The following BTD variants were observed in gnomAD, a reference collection of about 807,000 sequenced individuals.
The protein encoded by BTD is biotinidase.
Under a neutral mutation model 17.7 loss-of-function variants are expected in BTD, and 13 were observed. The observed-to-expected ratio is 0.74, with a 90% CI of 0.48 to 1.17. The LOEUF (loss-of-function observed/expected upper bound fraction) is 1.17. BTD is among the 50% of genes most tolerant of loss of function. BTD has a pLI of 0.00. For synonymous variants in BTD, 240 were observed against 245.2 expected, an observed-to-expected ratio of 0.98 and a Z score of 0.20; for missense variants, 674 against 650.4, an observed-to-expected ratio of 1.04 and a Z score of -0.39.
chr3:15,654,181 A>G (rs1044204015), downstream of BTD, among the ~76,000 whole-genome samples: 17 of 152,248 alleles, frequency 1.1e-4, no homozygotes, highest in Admixed American at 2.0e-4. Context: ...TAACAAGTTT[A>G]AAAATGTAAA....
intron 3 of BTD, chr3:15,684,208 T>C (rs986303901): frequency 5.9e-5 from 9 of 152,228 alleles, no homozygotes; most frequent in East Asian, 3.8e-4. Flanking sequence ...ACATGCTTCA[T>C]TGCATAAATT....
chr3:15,623,346 T>G (rs1270930179), intron 1 of BTD, among the ~76,000 whole-genome samples: 1 of 152,256 alleles, frequency 6.6e-6, no homozygotes, highest in Non-Finnish European at 1.5e-5. Flanking sequence ...GTTTTTTATC[T>G]ACTGTAATGA....
chr3:15,620,380 A>G (rs1344848065), intron 1 of BTD, among the ~76,000 whole-genome samples: 6 of 152,198 alleles, frequency 3.9e-5, no homozygotes, highest in Non-Finnish European at 4.4e-5. Flanking sequence ...TTGCTAGGAA[A>G]AGAATTTAGC....
chr3:15,698,239 T>G (rs1217068414), intron 3 of BTD, among the ~76,000 whole-genome samples: 1 of 152,144 alleles, frequency 6.6e-6, no homozygotes, highest in Non-Finnish European at 1.5e-5. Context: ...GGAATGTATC[T>G]CAAAATAGTA....
rs2065816737 is a variant in BTD, at chr3:15,652,312, C to CTG, written c.*6824_*6825insTG. ...CTGCACTCCAGTCTGGGCAACAGAGCGACACTCCGTCTCCAAAAAAAAAAG... is the reference window on the plus strand; with the variant it reads ...CTGCACTCCAGTCTGGGCAACAGAGCTGGACACTCCGTCTCCAAAAAAAAAAG... On this transcript the variant is annotated 3_prime_UTR_variant, in exon 4 of 4. Transcript: ENST00000643237. Among the ~76,000 whole-genome samples, 1 of 152,054 alleles carries CTG rather than the reference C, an allele frequency of 6.6e-6. No homozygotes were observed. Among genetic ancestry groups the CTG allele is most frequent in the Non-Finnish European group, 1.5e-5 (1 of 68,008 alleles).
chr3:15,643,944 A>T (rs1413993373), intron 3 of BTD, among the ~76,000 whole-genome samples: 3 of 148,498 alleles, frequency 2.0e-5, no homozygotes, highest in Non-Finnish European at 4.5e-5. Context: ...AAGCAAAAGG[A>T]AGGATTTTAA....
chr3:15,719,212 T>A (rs1401191360), intron 4 of BTD, among the ~76,000 whole-genome samples: 1 of 152,196 alleles, frequency 6.6e-6, no homozygotes, highest in Non-Finnish European at 1.5e-5. Context: ...AATGGCCTAA[T>A]TACAGATGGA....
chr3:15,672,866 C>T (rs2066522851), intron 3 of BTD, among the ~76,000 whole-genome samples: 1 of 152,218 alleles, frequency 6.6e-6, no homozygotes, highest in Non-Finnish European at 1.5e-5. Flanking sequence ...ACTTCTGCCT[C>T]CTGGGTTCAA....
chr3:15,703,565 A>G (rs771124269), intron 3 of BTD, among the ~76,000 whole-genome samples: 1 of 152,242 alleles, frequency 6.6e-6, no homozygotes, highest in Non-Finnish European at 1.5e-5. Context: ...GGCCTTCTCC[A>G]GACACTGAAT....
chr3:15,621,865 G>T (rs1390915431), intron 1 of BTD, among the ~76,000 whole-genome samples: 1 of 152,204 alleles, frequency 6.6e-6, no homozygotes, highest in Admixed American at 6.5e-5. Context: ...CTCCCAAAGT[G>T]CTGGGATTAC....
chr3:15,677,455 A>G, intron 3 of BTD: 1 of 1,547,882 alleles, frequency 6.5e-7, no homozygotes, highest in Non-Finnish European at 8.9e-7. Context: ...AACAATGGAA[A>G]CATATTCTTA....
chr3:15,703,703 T>A (rs888438826), intron 3 of BTD, among the ~76,000 whole-genome samples: 3 of 152,324 alleles, frequency 2.0e-5, no homozygotes, highest in African/African-American at 7.2e-5. Context: ...AGAGAATTGT[T>A]ATTGCGAAGT....
exon 4 of BTD, chr3:15,712,298 G>A: frequency 1.7e-6 from 2 of 1,182,502 alleles, no homozygotes; most frequent in Non-Finnish European, 2.4e-6. Context: ...ATTACAAAGA[G>A]ACCACTTAAG....
At position 15,675,277 on chromosome 3, in the gene BTD, A is replaced by AAAC. The variant is rs550059526; in HGVS notation, c.399+33238_399+33240dup. Among the ~76,000 whole-genome samples the AAAC allele has an allele frequency of 5.2e-3, 792 of 152,206 alleles. 4 individuals carry two copies. The highest frequency in any genetic ancestry group is 9.0e-3 in the Non-Finnish European group (610 of 67,978). On this transcript the variant is annotated intron_variant, in intron 3 of 3. Transcript: ENST00000672141. The stretch of plus-strand genomic sequence containing the variant: ...CAGAGCTAGACTCCGTCTCAAAAAC[A>AAAC]AACAACAACAACAACAACAAAAGAA...
chr3:15,722,150 G>A (rs1267991650), exon 5 of BTD, among the ~76,000 whole-genome samples: 1 of 152,156 alleles, frequency 6.6e-6, no homozygotes, highest in African/African-American at 2.4e-5. Flanking sequence ...CCTGGCTTCA[G>A]GGAGGTAGGT....
intron 1 of BTD, 66 bp downstream of exon 1, chr3:15,601,960 CGG>C: frequency 6.3e-7 from 1 of 1,592,572 alleles, no homozygotes; most frequent in Non-Finnish European, 8.6e-7. Flanking sequence ...GACCCCGCCC[CGG>C]GCGCCCAGTT....
At chr3:15,692,093 A>T (rs1532767) in intron 3 of BTD, among the ~76,000 whole-genome samples, 79,867 of 149,808 alleles carry the variant, frequency 0.53, 22,181 homozygotes, top group Middle Eastern at 0.62. Context: ...TGAGCTGGGA[A>T]TGCACCACTG....
At chr3:15,713,744 G>C, downstream of BTD, 1 of 611,256 alleles carries the variant, frequency 1.6e-6, no homozygotes, top group South Asian at 3.3e-5. Flanking sequence ...CAAACTAATA[G>C]ATACAGCAAT....
chr3:15,674,441 T>A (rs1268817709), intron 3 of BTD, among the ~76,000 whole-genome samples: 1 of 152,136 alleles, frequency 6.6e-6, no homozygotes, highest in East Asian at 1.9e-4. Context: ...AGCATGATGC[T>A]GTGGGGAGAG....
Sources: allele counts gnomAD v4.1 joint callset (sites outside exome capture counted in the v4.1 genomes callset), GRCh38; gene constraint gnomAD v4.1.1; transcripts MANE v1.5; gene names NCBI Gene and HGNC (gene_info 2026-07-23, HGNC 2026-07-21).